The following CTBP2 variants were observed in gnomAD, a reference collection of about 807,000 sequenced individuals.
CTBP2 encodes the protein C-terminal-binding protein 2.
Under a neutral mutation model 80.3 loss-of-function variants are expected in CTBP2, and 30 were observed. The ratio of observed to expected loss-of-function variants is 0.37; its 90% CI spans 0.28 to 0.51. The LOEUF (loss-of-function observed/expected upper bound fraction) is 0.51, where lower values mean the gene tolerates loss of function less well. Among genes scored for constraint, CTBP2 ranks in the 20% least tolerant of loss-of-function variants. The pLI is 0.93. For synonymous variants in CTBP2, 594 were observed against 587.4 expected, an observed-to-expected ratio of 1.01 and a Z score of -0.16; for missense variants, 1,212 against 1,375.3, an observed-to-expected ratio of 0.88 and a Z score of 1.88.
chr10:125,118,430 G>A (rs1853706126), intron 1 of CTBP2, among the ~76,000 whole-genome samples: 2 of 152,216 alleles, frequency 1.3e-5, no homozygotes, highest in Non-Finnish European at 2.9e-5. Context: ...GGGTGCTGCT[G>A]ATCGGGGCTG....
intron 2 of CTBP2, among the ~76,000 whole-genome samples, chr10:125,092,395 G>A (rs947446774): frequency 6.6e-6 from 1 of 151,874 alleles, no homozygotes. Flanking sequence ...TCACCACGTT[G>A]GTCTCGAACT....
intron 2 of CTBP2, among the ~76,000 whole-genome samples, chr10:125,039,562 G>A (rs561055217): frequency 2.0e-5 from 3 of 152,336 alleles, no homozygotes; most frequent in African/African-American, 7.2e-5. Flanking sequence ...GACGCACACC[G>A]TGGCGACTCG....
intron 1 of CTBP2, among the ~76,000 whole-genome samples, chr10:125,010,698 G>A (rs932536155): frequency 2.0e-5 from 3 of 152,166 alleles, no homozygotes; most frequent in African/African-American, 7.2e-5. Flanking sequence ...GACAAGGACT[G>A]GCCTGAACCA....
intron 2 of CTBP2, among the ~76,000 whole-genome samples, chr10:125,073,390 T>C (rs1198049364): frequency 6.6e-6 from 1 of 152,160 alleles, no homozygotes; most frequent in South Asian, 2.1e-4. Flanking sequence ...ATTACAAGCG[T>C]GCACCACCAC....
At chr10:125,009,863 C>T (rs749202900) in intron 1 of CTBP2, among the ~76,000 whole-genome samples, 6 of 152,120 alleles carry the variant, frequency 3.9e-5, no homozygotes, top group Non-Finnish European at 8.8e-5. Flanking sequence ...GTGGGAGCCT[C>T]GTGTTGTCAA....
chr10:125,148,547 A>G (rs1435192522), intron 1 of CTBP2, among the ~76,000 whole-genome samples: 5 of 152,172 alleles, frequency 3.3e-5, no homozygotes, highest in Admixed American at 1.3e-4. Flanking sequence ...AACATACGGG[A>G]TTTGCTTCTA....
chr10:124,992,063 C>T (rs1021274765), intron 8 of CTBP2, among the ~76,000 whole-genome samples: 2 of 152,166 alleles, frequency 1.3e-5, no homozygotes, highest in South Asian at 2.1e-4. Context: ...TGGACAAGGT[C>T]ATCATCCTGA....
rs981148059 is a variant in CTBP2 at position 125,058,648 on chromosome 10, C to T, written c.-101-19493G>A. Reference sequence around the variant, plus strand: ...CTCTACTAAAAATACAAAGATTAGTCAGGTGTGGTGGCGCGGTGGGCAGAT... The same window carrying T: ...CTCTACTAAAAATACAAAGATTAGTTAGGTGTGGTGGCGCGGTGGGCAGAT... On this transcript the variant is annotated intron_variant, in intron 2 of 10. Transcript: ENST00000337195. Among the ~76,000 whole-genome samples, 3 of 152,038 alleles carry T rather than the reference C, an allele frequency of 2.0e-5. No homozygotes were observed. In the East Asian group the frequency reaches 5.8e-4, roughly 29 times the overall value.
At chr10:125,126,924 TTCTCTCTCTC>T (rs67378138) in intron 1 of CTBP2, among the ~76,000 whole-genome samples, 8 of 138,652 alleles carry the variant, frequency 5.8e-5, no homozygotes, top group Non-Finnish European at 8.1e-5. Flanking sequence ...CACACACACA[TTCTCTCTCTC>T]TCTCTCTCTC....
chr10:125,115,321 T>C (rs186457228), intron 1 of CTBP2, among the ~76,000 whole-genome samples: 26 of 152,262 alleles, frequency 1.7e-4, no homozygotes, highest in African/African-American at 6.3e-4. Context: ...ACCGTTCACG[T>C]TTACTGCTAA....
At chr10:125,084,488 C>T (rs187769635) in intron 2 of CTBP2, among the ~76,000 whole-genome samples, 62 of 152,294 alleles carry the variant, frequency 4.1e-4, no homozygotes, top group African/African-American at 1.3e-3. Context: ...CCTACCAGTC[C>T]GGAGGCTCCC....
intron 2 of CTBP2, among the ~76,000 whole-genome samples, chr10:125,090,307 G>T (rs1261892078): frequency 9.6e-6 from 1 of 104,284 alleles, no homozygotes; most frequent in East Asian, 1.9e-4. Context: ...AAAAAAGGTT[G>T]GGGGGATGGG....
In CTBP2 at chr10:124,985,029, A is replaced by T; in HGVS notation, c.*4489T>A. On this transcript the variant is annotated 3_prime_UTR_variant, in exon 9 of 9. Coordinates refer to ENST00000309035, the MANE Select transcript of CTBP2 (RefSeq NM_022802.3). ...AAACAGCAGAAGACCAAGGCATCAGATCTGTAATGACCCTAAAGTTAGTGT... is the reference window on the plus strand; with the variant it reads ...AAACAGCAGAAGACCAAGGCATCAGTTCTGTAATGACCCTAAAGTTAGTGT... 3 of 1,494,216 alleles carry T rather than the reference A, an allele frequency of 2.0e-6. No individual in the cohort carries two copies. Among genetic ancestry groups the T allele is most frequent in the Non-Finnish European group, 2.8e-6 (3 of 1,089,760 alleles). 92.6% of individuals were successfully genotyped at this position (1,494,216 alleles called of 1,614,324 possible).
At chr10:125,087,851 A>G (rs146785805) in intron 2 of CTBP2, among the ~76,000 whole-genome samples, 234 of 152,336 alleles carry the variant, frequency 1.5e-3, no homozygotes, top group African/African-American at 5.6e-3. Context: ...TTGATTTACA[A>G]GAACTGTGCT....
rs140724758 is a variant in CTBP2, at chr10:125,027,797, C to G, written c.-38G>C. The G allele has an allele frequency of 7.0e-5, 104 of 1,477,680 alleles. No homozygotes were observed. The African/African-American group carries it at 9.9e-4, about 14-fold the overall frequency. The allele number at this position is 1,477,680 out of a possible 1,614,324, so 91.5% of individuals were successfully genotyped here. A position where few individuals can be genotyped will look rare whatever the true frequency, so the allele number is the denominator to read the frequency against. On this transcript the variant is annotated 5_prime_UTR_variant, in exon 1 of 9. Coordinates refer to ENST00000309035, the MANE Select transcript of CTBP2 (RefSeq NM_022802.3). ...GACTGCGGATGAGGCAGAGGAGAAGCTTTTCTTTATAAATCTTCAATTACA... is the reference window on the plus strand; with the variant it reads ...GACTGCGGATGAGGCAGAGGAGAAGGTTTTCTTTATAAATCTTCAATTACA...
Position 125,137,745 on chromosome 10 carries a change from C to G in CTBP2, c.-206+22574G>C, listed in dbSNP as rs1487743275. Among the ~76,000 whole-genome samples the G allele has an allele frequency of 2.0e-5, 3 of 152,330 alleles. No individual in the cohort carries two copies. In the East Asian group the frequency reaches 5.8e-4, roughly 29 times the overall value. ...CTGTCAGCAAAAATCCGTAAATAAC[C>G]TTCTGCCAGCCTCTAGCAATCACCT... On this transcript the variant is annotated intron_variant, in intron 1 of 10. Coordinates refer to the CTBP2 transcript ENST00000337195.
At chr10:125,005,890 G>A in intron 1 of CTBP2, 2 of 1,525,914 alleles carry the variant, frequency 1.3e-6, no homozygotes, top group South Asian at 1.3e-5. Flanking sequence ...ATCGGAGAGA[G>A]TGCCTGATTA....
chr10:125,149,648 C>T (rs1209148802), intron 1 of CTBP2, among the ~76,000 whole-genome samples: 1 of 152,216 alleles, frequency 6.6e-6, no homozygotes, highest in Non-Finnish European at 1.5e-5. Flanking sequence ...CACAAGTGTA[C>T]ACACGTGTTC....
Position 125,054,918 on chromosome 10 carries a change from G to C in CTBP2, c.-101-15763C>G, listed in dbSNP as rs114046568. Among the ~76,000 whole-genome samples, 219 of 152,256 alleles carry C rather than the reference G, an allele frequency of 1.4e-3. 1 individual carries two copies. The highest frequency in any genetic ancestry group is 5.1e-3 in the African/African-American group (213 of 41,552). ...CAACAGCAATGCGTACAAGCTGAAG[G>C]AACGGAAAGTCTGCTGTTATGTTCA... On this transcript the variant is annotated intron_variant, in intron 2 of 10. Coordinates refer to the CTBP2 transcript ENST00000337195.
Sources: allele counts gnomAD v4.1 joint callset (sites outside exome capture counted in the v4.1 genomes callset), GRCh38; gene constraint gnomAD v4.1.1; transcripts MANE v1.5; gene names NCBI Gene and HGNC (gene_info 2026-07-23, HGNC 2026-07-21).